The following TPST1 variants were observed in gnomAD, a reference collection of about 807,000 sequenced individuals.
TPST1 encodes the protein tyrosylprotein sulfotransferase 1, also known as protein-tyrosine sulfotransferase 1.
Under a neutral mutation model 34.8 loss-of-function variants are expected in TPST1, and 20 were observed. The ratio of observed to expected loss-of-function variants is 0.57; its 90% confidence interval spans 0.40 to 0.84. The LOEUF (loss-of-function observed/expected upper bound fraction) is 0.84, where lower values mean the gene tolerates loss of function less well. TPST1 is among the 40% of genes least tolerant of loss of function. The pLI, the probability that TPST1 is intolerant of heterozygous loss-of-function variation, is 0.00. For synonymous variants in TPST1, 152 were observed against 159.4 expected, an observed-to-expected ratio of 0.95 and a Z score of 0.35; for missense variants, 353 against 455.5, an observed-to-expected ratio of 0.78 and a Z score of 2.05.
chr7:66,236,778 A>G (rs1001045245), intron 1 of TPST1, among the ~76,000 whole-genome samples: 4 of 152,228 alleles, frequency 2.6e-5, no homozygotes, highest in African/African-American at 9.6e-5. Context: ...TTACACTTCA[A>G]TAAAGCTTTT....
intron 3 of TPST1, among the ~76,000 whole-genome samples, chr7:66,307,388 G>C (rs943500927): frequency 6.6e-6 from 1 of 152,118 alleles, no homozygotes; most frequent in African/African-American, 2.4e-5. Flanking sequence ...AAAGTGCTGG[G>C]ATTACAGGTG....
At chr7:66,254,002 C>CAAA (rs60795420) in intron 2 of TPST1, among the ~76,000 whole-genome samples, 2 of 113,554 alleles carry the variant, frequency 1.8e-5, no homozygotes, top group African/African-American at 3.2e-5. Flanking sequence ...GACTCTGTTT[C>CAAA]AAAAAAAAAA....
chr7:66,324,933 T>G (rs1270923527), intron 3 of TPST1, among the ~76,000 whole-genome samples: 1 of 152,184 alleles, frequency 6.6e-6, no homozygotes, highest in Non-Finnish European at 1.5e-5. Flanking sequence ...ATTCTGTTCT[T>G]TCTTATATCA....
At chr7:66,308,398 G>C (rs553425410) in intron 3 of TPST1, among the ~76,000 whole-genome samples, 1 of 152,182 alleles carries the variant, frequency 6.6e-6, no homozygotes, top group African/African-American at 2.4e-5. Context: ...TAGGAATGCA[G>C]TATTACTTTT....
At chr7:66,207,946 C>CT (rs199995736) in intron 1 of TPST1, among the ~76,000 whole-genome samples, 15 of 151,448 alleles carry the variant, frequency 9.9e-5, no homozygotes, top group African/African-American at 3.6e-4. Flanking sequence ...TACCTCAGAT[C>CT]TTTTTTTTTC....
Position 66,227,028 on chromosome 7 carries a change from C to CTTTTTTTTTTTTTTTTTTTTTT in TPST1, c.-101-13295_-101-13274dup, listed in dbSNP as rs546339747. Among the ~76,000 whole-genome samples the CTTTTTTTTTTTTTTTTTTTTTT allele has an allele frequency of 7.2e-5, 5 of 69,204 alleles. 2 individuals carry two copies. Among genetic ancestry groups the CTTTTTTTTTTTTTTTTTTTTTT allele is most frequent in the Admixed American group, 4.6e-4 (2 of 4,358 alleles). The allele number at this position is 69,204 out of a possible 152,430, so 45.4% of individuals were successfully genotyped here. ...TTGGTGTTGGATGCCTTAAAATAAG[C>CTTTTTTTTTTTTTTTTTTTTTT]TTTTTTTTTTTTTTTTTTTTTTTGA... On this transcript the variant is annotated intron_variant, in intron 1 of 5. Transcript: ENST00000304842.
rs73365446 is a variant in TPST1 at position 66,294,397 on chromosome 7, T to C, written c.1044+7688T>C. Among the ~76,000 whole-genome samples the C allele has an allele frequency of 1.1e-3, 173 of 152,296 alleles. 1 individual carries two copies. Among genetic ancestry groups the C allele is most frequent in the African/African-American group, 4.1e-3 (169 of 41,574 alleles). The stretch of plus-strand genomic sequence containing the variant: ...CCGTATCATGTTTTTATTCTGTCTT[T>C]TGATAACTTTAATTGACAAATTTAT... On this transcript the variant is annotated intron_variant, in intron 3 of 5. Coordinates refer to ENST00000304842, the MANE Select transcript of TPST1 (RefSeq NM_003596.4).
intron 1 of TPST1, among the ~76,000 whole-genome samples, chr7:66,216,262 C>A (rs539964334): frequency 7.3e-6 from 1 of 137,244 alleles, no homozygotes; most frequent in Non-Finnish European, 1.6e-5. Flanking sequence ...TTGGTAGTTA[C>A]GTCTCCTTTT....
chr7:66,208,658 A>G (rs970566418), intron 1 of TPST1, among the ~76,000 whole-genome samples: 1 of 151,814 alleles, frequency 6.6e-6, no homozygotes, highest in Admixed American at 6.6e-5. Context: ...TAGTAGAGAC[A>G]GGGTTTCATC....
intron 2 of TPST1, among the ~76,000 whole-genome samples, chr7:66,268,009 G>A (rs191195863): frequency 3.3e-5 from 5 of 151,538 alleles, no homozygotes; most frequent in African/African-American, 9.7e-5. Context: ...CTGGAGTGCA[G>A]TGGTACAGTC....
chr7:66,302,900 A>G (rs1027278258), intron 3 of TPST1, among the ~76,000 whole-genome samples: 2 of 152,058 alleles, frequency 1.3e-5, no homozygotes, highest in Non-Finnish European at 2.9e-5. Flanking sequence ...TCTGCTTTCA[A>G]CCTTCCTTTT....
intron 1 of TPST1, among the ~76,000 whole-genome samples, chr7:66,229,901 T>C (rs1357668287): frequency 6.6e-6 from 1 of 152,142 alleles, no homozygotes; most frequent in Non-Finnish European, 1.5e-5. Context: ...TTAGAGTATT[T>C]TATCACTTCA....
chr7:66,349,296 G>C (rs1039731531), intron 3 of TPST1, among the ~76,000 whole-genome samples: 2 of 152,168 alleles, frequency 1.3e-5, no homozygotes, highest in African/African-American at 4.8e-5. Flanking sequence ...AGTTGGCTGG[G>C]CGCCGTGGCT....
intron 3 of TPST1, among the ~76,000 whole-genome samples, chr7:66,348,811 G>A (rs1792407503): frequency 6.6e-6 from 1 of 152,166 alleles, no homozygotes; most frequent in African/African-American, 2.4e-5. Context: ...TTGTTCCCTG[G>A]AGGATACTAA....
intron 2 of TPST1, among the ~76,000 whole-genome samples, chr7:66,268,517 T>G (rs1231442155): frequency 6.6e-6 from 1 of 152,034 alleles, no homozygotes; most frequent in Non-Finnish European, 1.5e-5. Flanking sequence ...GGGTATTGGG[T>G]CCTAAAATCA....
At chr7:66,349,343 G>A (rs1476788533) in intron 3 of TPST1, among the ~76,000 whole-genome samples, 1 of 152,176 alleles carries the variant, frequency 6.6e-6, no homozygotes, top group Non-Finnish European at 1.5e-5. Flanking sequence ...GGCCGAGGCA[G>A]GCGGATCACC....
intron 1 of TPST1, among the ~76,000 whole-genome samples, chr7:66,209,843 A>G (rs1584133370): frequency 6.6e-6 from 1 of 151,842 alleles, no homozygotes; most frequent in Non-Finnish European, 1.5e-5. Context: ...ATGTTTATTT[A>G]TTTTTCTAGA....
chr7:66,299,698 C>G (rs1290204402), intron 3 of TPST1, among the ~76,000 whole-genome samples: 20 of 152,108 alleles, frequency 1.3e-4, no homozygotes, highest in Admixed American at 1.2e-3. Context: ...TTCTTCATTT[C>G]AGATCATTTA....
intron 2 of TPST1, among the ~76,000 whole-genome samples, chr7:66,272,518 G>A (rs1205583623): frequency 1.3e-5 from 2 of 151,490 alleles, no homozygotes; most frequent in African/African-American, 2.4e-5. Context: ...ATCATCCTCA[G>A]TGGTGAAAAG....
Sources: gnomAD v4.1 joint callset for allele counts (sites outside exome capture counted in the v4.1 genomes callset) on GRCh38, gnomAD v4.1.1 for gene constraint, MANE v1.5 for transcripts, NCBI Gene and HGNC (gene_info 2026-07-23, HGNC 2026-07-21) for gene names.